The following CADPS2 variants were observed in gnomAD, a reference collection of about 807,000 sequenced individuals.
CADPS2 encodes calcium-dependent secretion activator 2.
A neutral mutation model predicts 172.5 loss-of-function variants in CADPS2; 93 were observed. The observed-to-expected ratio is 0.54, with a 90% CI of 0.46 to 0.64. The LOEUF is 0.64. Ranked by LOEUF, CADPS2 falls within the 30% of genes least tolerant of loss-of-function variation. The probability of loss-of-function intolerance (pLI) is 0.00; values close to 1 mark genes in which losing one functional copy is unlikely to be tolerated. For synonymous variants in CADPS2, 546 were observed against 555.2 expected (o/e 0.98, Z 0.23); for missense variants, 1,420 against 1,565.9 (o/e 0.91, Z 1.57).
intron 12 of CADPS2, among the ~76,000 whole-genome samples, chr7:122,477,028 G>A (rs1473212248): frequency 1.9e-5 from 2 of 106,652 alleles, no homozygotes; most frequent in African/African-American, 9.0e-5. Context: ...GAGAGGAGAG[G>A]AGAGGAGAGG....
At chr7:122,813,108 G>A (rs1478268636) in intron 1 of CADPS2, among the ~76,000 whole-genome samples, 1 of 151,932 alleles carries the variant, frequency 6.6e-6, no homozygotes, top group Non-Finnish European at 1.5e-5. Flanking sequence ...TTTCAAAGCA[G>A]CACAGGTACG....
At chr7:122,391,967 GTTTC>G (rs1043621080) in intron 22 of CADPS2, among the ~76,000 whole-genome samples, 4 of 152,040 alleles carry the variant, frequency 2.6e-5, no homozygotes, top group African/African-American at 9.7e-5. Context: ...TGGTTTCTTA[GTTTC>G]TTTATGACTT....
At chr7:122,719,391 C>A (rs182494158) in intron 2 of CADPS2, among the ~76,000 whole-genome samples, 2 of 148,034 alleles carry the variant, frequency 1.4e-5, no homozygotes, top group East Asian at 3.9e-4. Flanking sequence ...TGACTATCCC[C>A]CTATCCTTCT....
chr7:122,596,315 A>G (rs903427996), intron 6 of CADPS2, among the ~76,000 whole-genome samples: 2 of 152,172 alleles, frequency 1.3e-5, no homozygotes, highest in African/African-American at 4.8e-5. Flanking sequence ...AATCACTGCT[A>G]TGATCTATGT....
At chr7:122,466,009 T>G (rs2055088361) in intron 14 of CADPS2, among the ~76,000 whole-genome samples, 1 of 152,170 alleles carries the variant, frequency 6.6e-6, no homozygotes, top group Non-Finnish European at 1.5e-5. Context: ...TTTGAAAAAC[T>G]TACTGTGTTA....
chr7:122,564,980 G>T (rs774475404), intron 7 of CADPS2, among the ~76,000 whole-genome samples: 6 of 151,856 alleles, frequency 4.0e-5, no homozygotes, highest in Non-Finnish European at 5.9e-5. Context: ...GAAACAGAAA[G>T]TCAAATACAG....
chr7:122,762,025 TATATAC>T lies in CADPS2; in HGVS notation c.340-24963_340-24958del, dbSNP rs1309826850. Among the ~76,000 whole-genome samples, 21 of 80,342 alleles carry T rather than the reference TATATAC, an allele frequency of 2.6e-4. 1 individual carries two copies. Among genetic ancestry groups the T allele is most frequent in the African/African-American group, 9.8e-4 (16 of 16,386 alleles). The allele number at this position is 80,342 out of a possible 152,430, so 52.7% of individuals were successfully genotyped here. A position where few individuals can be genotyped will look rare whatever the true frequency, so the allele number is the denominator to read the frequency against. ...AAAAAAAAAAAAAAATATATATATA[TATATAC>T]ACACACACACACACACACACACACA... is the stretch of plus-strand genomic sequence containing the variant. On this transcript the variant is annotated intron_variant, in intron 1 of 29. Transcript: ENST00000449022.
intron 3 of CADPS2, among the ~76,000 whole-genome samples, chr7:122,656,715 G>A (rs1329621027): frequency 6.6e-6 from 1 of 152,170 alleles, no homozygotes; most frequent in Non-Finnish European, 1.5e-5. Context: ...CCCTGGGGCA[G>A]AGTCCTTAGG....
chr7:122,673,632 T>A (rs1356864118), intron 2 of CADPS2, among the ~76,000 whole-genome samples: 1 of 151,904 alleles, frequency 6.6e-6, no homozygotes, highest in Admixed American at 6.5e-5. Context: ...AGAGTGCTGA[T>A]TGGTGCAGCC....
At position 122,660,508 on chromosome 7, in the gene CADPS2, C is replaced by A. The variant is rs147346247; in HGVS notation, c.786+2729G>T. 1.9e-3 allele frequency among the ~76,000 whole-genome samples: 284 copies of A among 151,164 alleles called. 1 individual carries two copies. The highest frequency in any genetic ancestry group is 3.0e-3 in the Non-Finnish European group (206 of 67,862). On this transcript the variant is annotated intron_variant, in intron 3 of 29. Transcript: ENST00000449022. ...CAAATGCATCAAGTGGTAAAAGCTA[C>A]AAAGATTTTAAAATTTAATCCAACT...
At chr7:122,497,111 T>A (rs965664254) in intron 9 of CADPS2, among the ~76,000 whole-genome samples, 5 of 152,140 alleles carry the variant, frequency 3.3e-5, no homozygotes, top group African/African-American at 1.2e-4. Flanking sequence ...TGCCTTGAAG[T>A]CTATCTTCTT....
chr7:122,638,158 T>A (rs2077255362), intron 3 of CADPS2, among the ~76,000 whole-genome samples: 1 of 152,102 alleles, frequency 6.6e-6, no homozygotes, highest in East Asian at 1.9e-4. Context: ...TTTTCTTTCT[T>A]AGGTGTTCTG....
chr7:122,465,736 G>A (rs2055049411), intron 14 of CADPS2, among the ~76,000 whole-genome samples: 1 of 152,130 alleles, frequency 6.6e-6, no homozygotes. Flanking sequence ...TTTAAAAGAT[G>A]AGATACTGGT....
At chr7:122,654,827 G>T (rs1449618881) in intron 3 of CADPS2, among the ~76,000 whole-genome samples, 2 of 152,182 alleles carry the variant, frequency 1.3e-5, no homozygotes, top group Non-Finnish European at 2.9e-5. Context: ...ATGGATTAGA[G>T]CAAAGTAAAT....
intron 8 of CADPS2, among the ~76,000 whole-genome samples, chr7:122,518,950 T>C (rs2060580491): frequency 1.3e-5 from 2 of 152,066 alleles, no homozygotes; most frequent in Non-Finnish European, 2.9e-5. Flanking sequence ...AGAATTTGGT[T>C]TTAAATATTT....
intron 1 of CADPS2, among the ~76,000 whole-genome samples, chr7:122,747,551 C>G (rs1352434198): frequency 6.6e-6 from 1 of 152,116 alleles, no homozygotes; most frequent in Non-Finnish European, 1.5e-5. Context: ...ACACACTCAG[C>G]ACAATTCTAA....
intron 1 of CADPS2, among the ~76,000 whole-genome samples, chr7:122,755,261 G>T (rs1361828152): frequency 6.6e-6 from 1 of 152,138 alleles, no homozygotes; most frequent in Non-Finnish European, 1.5e-5. Context: ...AAACCATGCT[G>T]ACGTCTTTCC....
chr7:122,397,844 A>G (rs1158345281), intron 20 of CADPS2, among the ~76,000 whole-genome samples: 10 of 152,200 alleles, frequency 6.6e-5, no homozygotes, highest in Non-Finnish European at 1.5e-5. Context: ...CACTTCTGAC[A>G]CCATACTCAA....
chr7:122,813,031 A>G (rs1800424079), intron 1 of CADPS2, among the ~76,000 whole-genome samples: 1 of 152,192 alleles, frequency 6.6e-6, no homozygotes, highest in Non-Finnish European at 1.5e-5. Flanking sequence ...GGGACACAGC[A>G]GGAAAAGCCT....
Sources: allele counts gnomAD v4.1 joint callset (sites outside exome capture counted in the v4.1 genomes callset), GRCh38; gene constraint gnomAD v4.1.1; transcripts MANE v1.5; gene names NCBI Gene and HGNC (gene_info 2026-07-23, HGNC 2026-07-21).